The following OSBPL2 variants were observed in gnomAD, a reference collection of about 807,000 sequenced individuals.
The protein encoded by OSBPL2 is oxysterol binding protein like 2, also known as oxysterol-binding protein-related protein 2.
In OSBPL2, 18 loss-of-function variants were observed where a neutral mutation model predicts 58.4. The observed-to-expected ratio is 0.31, with a 90% confidence interval of 0.21 to 0.46. The LOEUF (loss-of-function observed/expected upper bound fraction) is 0.46. OSBPL2 is among the 20% of genes least tolerant of loss of function. The pLI is 1.00. For missense variants in OSBPL2, 461 were observed against 616.5 expected (o/e 0.75, Z 2.67); for synonymous variants, 221 against 234.1 (o/e 0.94, Z 0.51).
intron 10 of OSBPL2, chr20:62,285,394 G>C (rs1038020232): frequency 6.6e-6 from 1 of 152,212 alleles, no homozygotes; most frequent in Admixed American, 6.5e-5. Flanking sequence ...CAGCCAGTGT[G>C]AATACAGCTA....
At position 62,296,022 on chromosome 20, in the gene OSBPL2, A is replaced by G. The variant is rs535990170; in HGVS notation, c.*2135A>G. 3.3e-5 allele frequency: 5 copies of G among 152,362 alleles called. No homozygotes were observed. The East Asian group carries it at 9.6e-4, about 29-fold the overall frequency. The allele number at this position is 152,362 out of a possible 1,614,324, so 9.4% of individuals were successfully genotyped here. The stretch of plus-strand genomic sequence containing the variant: ...CAGAGGTGGAGGAAGAACGGTAGGA[A>G]GGCTGATGGCAAAAGCGGCTGTGTG... On this transcript the variant is annotated 3_prime_UTR_variant, in exon 14 of 14. Transcript: ENST00000313733.
chr20:62,289,463 A>C, intron 12 of OSBPL2, 133 bp downstream of exon 12: 1 of 1,066,344 alleles, frequency 9.4e-7, no homozygotes, highest in Non-Finnish European at 1.3e-6. Flanking sequence ...CCCTAAACAA[A>C]CAGGCAGGCT....
intron 2 of OSBPL2, 135 bp downstream of exon 2, chr20:62,256,356 C>A: frequency 2.9e-6 from 2 of 700,124 alleles, no homozygotes; most frequent in South Asian, 2.1e-5. Flanking sequence ...ATCCCAAACA[C>A]GGACTGTTCA....
intron 12 of OSBPL2, 34 bp from the exon 13 acceptor site, chr20:62,291,669 T>A: frequency 6.3e-7 from 1 of 1,593,160 alleles, no homozygotes; most frequent in African/African-American, 1.3e-5. Context: ...TTCTAAGGTC[T>A]CTGTCTGACC....
intron 13 of OSBPL2, 134 bp from the exon 14 acceptor site, chr20:62,293,651 C>A: frequency 1.5e-6 from 1 of 666,138 alleles, no homozygotes. Context: ...GAAGTTGTTA[C>A]GCTGGGCTGC....
rs780879987 is a variant in OSBPL2, at chr20:62,293,767, C to A, written c.1341-18C>A. 6.8e-6 allele frequency: 11 copies of A among 1,611,392 alleles called. No individual in the cohort carries two copies. The highest frequency in any genetic ancestry group is 2.2e-5 in the East Asian group (1 of 44,750). ...TTGGGCTGAGCATCTTCTGACCCCCCTCCCTTGTATCCGGCAGGTGGTTCT... is the reference window on the plus strand; with the variant it reads ...TTGGGCTGAGCATCTTCTGACCCCCATCCCTTGTATCCGGCAGGTGGTTCT... On this transcript the variant is annotated intron_variant, in intron 13 of 13. Coordinates refer to ENST00000313733, the MANE Select transcript of OSBPL2 (RefSeq NM_144498.4).
chr20:62,284,058 C>T lies in OSBPL2; in HGVS notation c.885C>T (p.Leu295=). The change falls in exon 10 of 14, where the codon CTC becomes CTT. Residue 295 remains leucine (L), a synonymous_variant. Transcript: ENST00000313733. ...CATTTAATTACAGCAAAAAGAAGCTCTTTATGATCTATGGCAAATGGACGG... is the reference window on the plus strand; with the variant it reads ...CATTTAATTACAGCAAAAAGAAGCTTTTTATGATCTATGGCAAATGGACGG... ...GHIQDKNKKK[L]FMIYGKWTEC... 1 of 1,613,324 alleles carries T rather than the reference C, an allele frequency of 6.2e-7. No homozygotes were observed. Among genetic ancestry groups the T allele is most frequent in the South Asian group, 1.1e-5 (1 of 91,054 alleles).
intron 4 of OSBPL2, among the ~76,000 whole-genome samples, chr20:62,265,425 T>C (rs1159148569): frequency 1.3e-5 from 2 of 152,296 alleles, no homozygotes; most frequent in Non-Finnish European, 1.5e-5. Context: ...TGAACACTTA[T>C]TTCAGGCACT....
chr20:62,290,642 G>C (rs906899749), intron 12 of OSBPL2, among the ~76,000 whole-genome samples: 2 of 148,802 alleles, frequency 1.3e-5, no homozygotes, highest in Admixed American at 1.3e-4. Context: ...GGACGGTCTC[G>C]ATCTCCTGAC....
chr20:62,261,105 C>T (rs1981271200), intron 3 of OSBPL2, among the ~76,000 whole-genome samples: 1 of 152,044 alleles, frequency 6.6e-6, no homozygotes, highest in Non-Finnish European at 1.5e-5. Flanking sequence ...ATCATGAGGT[C>T]AGGAGATTGA....
At chr20:62,278,873 GTGTT>G (rs777467190) in intron 6 of OSBPL2, 1 of 409,420 alleles carries the variant, frequency 2.4e-6, no homozygotes, top group Non-Finnish European at 4.4e-6. Context: ...GTTTGTGTGT[GTGTT>G]TGTTGCCAAC....
rs924026606 is a variant in OSBPL2, at chr20:62,269,814, C to T, written c.259-2311C>T. Among the ~76,000 whole-genome samples, 21 of 152,350 alleles carry T rather than the reference C, an allele frequency of 1.4e-4. No homozygotes were observed. Among genetic ancestry groups the T allele is most frequent in the African/African-American group, 5.1e-4 (21 of 41,572 alleles). ...GGGTCACCTCTCTTCCTGCTTTCCTCGGCAGCCACATTCCCTTGTGCAGTC... is the reference window on the plus strand; with the variant it reads ...GGGTCACCTCTCTTCCTGCTTTCCTTGGCAGCCACATTCCCTTGTGCAGTC... On this transcript the variant is annotated intron_variant, in intron 4 of 13. Coordinates refer to ENST00000313733, the MANE Select transcript of OSBPL2 (RefSeq NM_144498.4). The surrounding 1 kb of genome is among the most constrained non-coding windows in gnomAD (Gnocchi z 4.2).
intron 1 of OSBPL2, among the ~76,000 whole-genome samples, chr20:62,253,779 G>A (rs959069653): frequency 4.1e-5 from 4 of 98,542 alleles, no homozygotes; most frequent in East Asian, 3.1e-4. Flanking sequence ...GGCCAAACTC[G>A]CCCTTTTATT....
chr20:62,285,284 T>C (rs540649310), intron 10 of OSBPL2: 1 of 152,352 alleles, frequency 6.6e-6, no homozygotes, highest in East Asian at 1.9e-4. Flanking sequence ...CTTTTGATGC[T>C]TTCCTGCTCC....
intron 6 of OSBPL2, among the ~76,000 whole-genome samples, chr20:62,277,545 C>T (rs1485555912): frequency 6.6e-6 from 1 of 152,252 alleles, no homozygotes; most frequent in Non-Finnish European, 1.5e-5. Context: ...GGCAGTCTGT[C>T]AGGTTAGGGG....
intron 6 of OSBPL2, among the ~76,000 whole-genome samples, chr20:62,273,699 G>A (rs914857233): frequency 1.3e-5 from 2 of 152,214 alleles, no homozygotes; most frequent in African/African-American, 2.4e-5. Context: ...GTGTGTGTGC[G>A]ACGTCTGTGA....
intron 4 of OSBPL2, among the ~76,000 whole-genome samples, chr20:62,266,358 CTT>C (rs1981655700): frequency 6.6e-6 from 1 of 152,216 alleles, no homozygotes. Flanking sequence ...GCACTCCACT[CTT>C]TTTACTACTT....
At chr20:62,286,449 G>GAA (rs375911327) in intron 10 of OSBPL2, 134 bp from the exon 11 acceptor site, 1,736 of 810,714 alleles carry the variant, frequency 2.1e-3, no homozygotes, top group Non-Finnish European at 2.4e-3. Context: ...GACTCCGTCT[G>GAA]AAAAAAAAAA....
chr20:62,274,176 C>A (rs1218902970), intron 6 of OSBPL2, among the ~76,000 whole-genome samples: 1 of 152,176 alleles, frequency 6.6e-6, no homozygotes, highest in African/African-American at 2.4e-5. Flanking sequence ...TCTTCACCCA[C>A]CTGGTTGCCC....
Sources: allele counts gnomAD v4.1 joint callset (sites outside exome capture counted in the v4.1 genomes callset), GRCh38; gene constraint gnomAD v4.1.1; non-coding constraint Gnocchi (gnomAD v3.1); transcripts MANE v1.5; gene names NCBI Gene and HGNC (gene_info 2026-07-23, HGNC 2026-07-21).